Variants in TEAD1 observed in about 807,000 individuals in gnomAD.
TEAD1 encodes TEA domain transcription factor 1, also known as transcriptional enhancer factor TEF-1.
TEAD1 carries 9 observed loss-of-function variants against 54.9 expected under a neutral mutation model. The observed-to-expected ratio is 0.16, with a 90% CI of 0.10 to 0.29. TEAD1 has a LOEUF of 0.29. Among genes scored for constraint, TEAD1 ranks in the 10% least tolerant of loss-of-function variants. The pLI is 1.00. For missense variants in TEAD1, 387 were observed against 535.9 expected, an observed-to-expected ratio of 0.72 and a Z score of 2.74; for synonymous variants, 200 against 187.8, an observed-to-expected ratio of 1.07 and a Z score of -0.53.
intron 3 of TEAD1, among the ~76,000 whole-genome samples, chr11:12,774,333 G>C (rs183802660): frequency 6.6e-6 from 1 of 152,354 alleles, no homozygotes; most frequent in East Asian, 1.9e-4. Flanking sequence ...TAATCACTTA[G>C]ATGCTGAACT....
chr11:12,932,625 G>A (rs1949030214), intron 12 of TEAD1, among the ~76,000 whole-genome samples: 1 of 152,164 alleles, frequency 6.6e-6, no homozygotes, highest in Non-Finnish European at 1.5e-5. Context: ...GTGTATGGTA[G>A]TGCTCCCATA....
chr11:12,813,135 T>G (rs565080616), intron 3 of TEAD1, among the ~76,000 whole-genome samples: 3 of 152,078 alleles, frequency 2.0e-5, no homozygotes, highest in African/African-American at 7.2e-5. Flanking sequence ...CAGTCTTAGG[T>G]CAAGATACTG....
intron 2 of TEAD1, among the ~76,000 whole-genome samples, chr11:12,739,105 AAT>A (rs1944594662): frequency 6.6e-6 from 1 of 152,194 alleles, no homozygotes; most frequent in Non-Finnish European, 1.5e-5. Flanking sequence ...CATCTGTTGG[AAT>A]ATGAGTGCTC....
chr11:12,844,839 T>C (rs1282615711), intron 3 of TEAD1, among the ~76,000 whole-genome samples: 1 of 151,812 alleles, frequency 6.6e-6, no homozygotes, highest in Non-Finnish European at 1.5e-5. Flanking sequence ...CCATTCTGAA[T>C]GAGTGAGCAA....
intron 3 of TEAD1, among the ~76,000 whole-genome samples, chr11:12,780,904 AAAG>A (rs779044334): frequency 2.6e-5 from 4 of 152,218 alleles, no homozygotes; most frequent in South Asian, 2.1e-4. Context: ...CAATCTTGAA[AAAG>A]AAGAACAAAG....
At chr11:12,777,509 T>C (rs563961938) in intron 3 of TEAD1, among the ~76,000 whole-genome samples, 5 of 152,338 alleles carry the variant, frequency 3.3e-5, no homozygotes, top group African/African-American at 1.2e-4. Flanking sequence ...GATTGTTGTT[T>C]ATGACAGCTT....
intron 5 of TEAD1, among the ~76,000 whole-genome samples, chr11:12,874,714 G>A (rs540281488): frequency 9.5e-4 from 145 of 152,240 alleles, no homozygotes; most frequent in Middle Eastern, 3.4e-3. Flanking sequence ...CAGTTGGACC[G>A]TTTGTTCTTA....
intron 2 of TEAD1, among the ~76,000 whole-genome samples, chr11:12,707,114 C>CT (rs11366620): frequency 0.028 from 2,153 of 76,186 alleles, 69 homozygotes; most frequent in African/African-American, 0.061. Flanking sequence ...ACTTGTGGGA[C>CT]TTTTTTTTTT....
chr11:12,681,337 T>C lies in TEAD1; in HGVS notation c.-55+5776T>C, dbSNP rs547520602. The stretch of plus-strand genomic sequence containing the variant: ...TGATGAAAGGTTTCTAGTTTTGTTA[T>C]GCATTCAGAATACCTCCCTCATTTC... On this transcript the variant is annotated intron_variant, in intron 2 of 12. Coordinates refer to ENST00000527636, the MANE Select transcript of TEAD1 (RefSeq NM_021961.6). Among the ~76,000 whole-genome samples the C allele has an allele frequency of 8.2e-4, 125 of 152,372 alleles. 1 individual carries two copies. The highest frequency in any genetic ancestry group is 2.7e-3 in the African/African-American group (112 of 41,586).
chr11:12,749,714 C>G (rs907767946), intron 2 of TEAD1, among the ~76,000 whole-genome samples: 1 of 152,164 alleles, frequency 6.6e-6, no homozygotes. Context: ...CCTTACAGTG[C>G]TTGTGGACGG....
intron 2 of TEAD1, among the ~76,000 whole-genome samples, chr11:12,762,214 T>G (rs931318175): frequency 6.6e-6 from 1 of 152,164 alleles, no homozygotes; most frequent in Non-Finnish European, 1.5e-5. Flanking sequence ...GGTTTGTTTT[T>G]GTCTTTTTTT....
chr11:12,786,888 C>T (rs1041474268), intron 3 of TEAD1, among the ~76,000 whole-genome samples: 3 of 152,196 alleles, frequency 2.0e-5, no homozygotes, highest in Admixed American at 1.3e-4. Context: ...ATAAGCCAGA[C>T]AGACATTTGC....
intron 3 of TEAD1, among the ~76,000 whole-genome samples, chr11:12,834,880 G>A (rs572797465): frequency 1.2e-4 from 18 of 152,094 alleles, no homozygotes; most frequent in Non-Finnish European, 2.2e-4. Flanking sequence ...GCCTCCCAAA[G>A]TGCTGAGATT....
intron 11 of TEAD1, among the ~76,000 whole-genome samples, chr11:12,927,330 A>G (rs1948921454): frequency 6.6e-6 from 1 of 152,228 alleles, no homozygotes; most frequent in Admixed American, 6.5e-5. Context: ...CCAGTTAAAC[A>G]GATCTGTCCC....
At chr11:12,921,856 C>T (rs1176426766) in intron 10 of TEAD1, among the ~76,000 whole-genome samples, 1 of 152,112 alleles carries the variant, frequency 6.6e-6, no homozygotes, top group Admixed American at 6.5e-5. Flanking sequence ...GAAAGACATG[C>T]ATGATTTCCT....
At chr11:12,749,645 C>G (rs1382826344) in intron 2 of TEAD1, among the ~76,000 whole-genome samples, 1 of 152,172 alleles carries the variant, frequency 6.6e-6, no homozygotes, top group South Asian at 2.1e-4. Context: ...CAGACATGAG[C>G]GCATCAGACT....
intron 2 of TEAD1, among the ~76,000 whole-genome samples, chr11:12,737,548 C>T (rs1214126181): frequency 6.6e-6 from 1 of 152,034 alleles, no homozygotes; most frequent in Admixed American, 6.6e-5. Flanking sequence ...TTGGGTTTGC[C>T]CTAAAGCTAA....
chr11:12,787,057 C>T (rs149422349), intron 3 of TEAD1, among the ~76,000 whole-genome samples: 224 of 152,256 alleles, frequency 1.5e-3, no homozygotes, highest in African/African-American at 5.0e-3. Context: ...TCATAGCCCT[C>T]TGTAAGGATA....
chr11:12,862,384 T>C, intron 4 of TEAD1, 70 bp downstream of exon 4: 1 of 1,453,482 alleles, frequency 6.9e-7, no homozygotes, highest in Non-Finnish European at 9.7e-7. Flanking sequence ...CTGCAGTGGC[T>C]GGCTATGCTT....
Sources: gnomAD v4.1 joint callset for allele counts (sites outside exome capture counted in the v4.1 genomes callset) on GRCh38, gnomAD v4.1.1 for gene constraint, MANE v1.5 for transcripts, NCBI Gene and HGNC (gene_info 2026-07-23, HGNC 2026-07-21) for gene names.